PCDH15: variants seen among roughly 807,000 people sequenced by gnomAD.
PCDH15 encodes the protein protocadherin-15.
PCDH15 carries 129 observed loss-of-function variants against 178.5 expected under a neutral mutation model. The observed-to-expected ratio is 0.72, with a 90% CI of 0.63 to 0.84. The LOEUF is 0.84. Among genes scored for constraint, PCDH15 ranks in the 40% least tolerant of loss-of-function variants. PCDH15 has a pLI of 0.00. For synonymous variants in PCDH15, 800 were observed against 732.0 expected (o/e 1.09, Z -1.50); for missense variants, 2,230 against 2,099.9 (o/e 1.06, Z -1.21).
chr10:54,564,750 T>G (rs1032468532), intron 2 of PCDH15, among the ~76,000 whole-genome samples: 2 of 152,150 alleles, frequency 1.3e-5, no homozygotes, highest in Non-Finnish European at 2.9e-5. Flanking sequence ...AAAATGGGAA[T>G]ATAATTCTAT....
At chr10:55,206,302 T>C (rs138563102) in intron 1 of PCDH15, among the ~76,000 whole-genome samples, 125 of 152,216 alleles carry the variant, frequency 8.2e-4, no homozygotes, top group Non-Finnish European at 1.3e-3. Context: ...ATGTATGTAT[T>C]TAATTTAAAT....
chr10:55,077,435 C>CTTCCTTCCTTCCT (rs1554828780), intron 2 of PCDH15, among the ~76,000 whole-genome samples: 1 of 144,456 alleles, frequency 6.9e-6, no homozygotes, highest in African/African-American at 2.6e-5. Context: ...TCCTTCCTTC[C>CTTCCTTCCTTCCT]TTTCTTCCTT....
At chr10:54,448,153 C>G (rs1425531385) in intron 3 of PCDH15, among the ~76,000 whole-genome samples, 1 of 151,716 alleles carries the variant, frequency 6.6e-6, no homozygotes, top group African/African-American at 2.4e-5. Flanking sequence ...TTAAAACACA[C>G]CATTTATTAT....
At chr10:54,460,097 A>C (rs564940599) in intron 3 of PCDH15, among the ~76,000 whole-genome samples, 2 of 152,300 alleles carry the variant, frequency 1.3e-5, no homozygotes, top group East Asian at 3.9e-4. Context: ...TCACTATTGA[A>C]ACAGAGATCA....
At chr10:54,506,601 G>C (rs11004342) in intron 3 of PCDH15, among the ~76,000 whole-genome samples, 3 of 151,814 alleles carry the variant, frequency 2.0e-5, no homozygotes, top group African/African-American at 7.3e-5. Context: ...TAACACTTTT[G>C]GGTCTAATAG....
chr10:54,154,972 T>G (rs977706358), intron 13 of PCDH15, among the ~76,000 whole-genome samples: 19 of 152,204 alleles, frequency 1.2e-4, no homozygotes, highest in Non-Finnish European at 1.8e-4. Context: ...TGTGTATGGA[T>G]AAAATTAGAA....
At chr10:54,524,742 T>G (rs1409948770) in intron 3 of PCDH15, among the ~76,000 whole-genome samples, 2 of 152,234 alleles carry the variant, frequency 1.3e-5, no homozygotes, top group African/African-American at 4.8e-5. Context: ...ACGCTCTACA[T>G]GCTAGTTCAA....
intron 3 of PCDH15, among the ~76,000 whole-genome samples, chr10:54,873,492 T>C (rs979980854): frequency 6.7e-6 from 1 of 148,614 alleles, no homozygotes; most frequent in Non-Finnish European, 1.5e-5. Flanking sequence ...ATATAATATA[T>C]ATACGTGTAT....
At chr10:55,149,422 A>T (rs886148313) in intron 2 of PCDH15, among the ~76,000 whole-genome samples, 18 of 151,974 alleles carry the variant, frequency 1.2e-4, no homozygotes, top group Admixed American at 1.1e-3. Context: ...TATAGTATCA[A>T]TTTGAAAATT....
At chr10:55,206,826 A>C (rs1564891876) in intron 1 of PCDH15, among the ~76,000 whole-genome samples, 1 of 152,214 alleles carries the variant, frequency 6.6e-6, no homozygotes, top group East Asian at 1.9e-4. Context: ...TGCCTGAATA[A>C]ATAATTTTGA....
chr10:54,944,766 G>A (rs578256513), intron 2 of PCDH15, among the ~76,000 whole-genome samples: 8 of 152,030 alleles, frequency 5.3e-5, no homozygotes, highest in African/African-American at 1.9e-4. Flanking sequence ...TAAGGTGTGT[G>A]TATATGTTGG....
At chr10:55,294,287 T>C (rs1843081846) in intron 1 of PCDH15, among the ~76,000 whole-genome samples, 1 of 152,182 alleles carries the variant, frequency 6.6e-6, no homozygotes, top group African/African-American at 2.4e-5. Context: ...CGATGAGATT[T>C]GGGTAGGGAC....
chr10:54,933,108 G>A (rs1837823228), intron 2 of PCDH15, among the ~76,000 whole-genome samples: 1 of 152,084 alleles, frequency 6.6e-6, no homozygotes, highest in African/African-American at 2.4e-5. Flanking sequence ...TATAGACTAT[G>A]AGCAATAAAT....
chr10:55,278,465 T>C (rs1010958498), intron 1 of PCDH15, among the ~76,000 whole-genome samples: 1 of 152,094 alleles, frequency 6.6e-6, no homozygotes, highest in Non-Finnish European at 1.5e-5. Flanking sequence ...CCTCAAGTGA[T>C]CCTCCCGTCT....
intron 1 of PCDH15, among the ~76,000 whole-genome samples, chr10:54,726,785 G>T (rs1942599907): frequency 6.8e-6 from 1 of 148,036 alleles, no homozygotes; most frequent in African/African-American, 2.5e-5. Context: ...AGCAGAATAG[G>T]CCAAGCTGAA....
intron 2 of PCDH15, among the ~76,000 whole-genome samples, chr10:55,117,965 T>A (rs2132062888): frequency 6.6e-6 from 1 of 152,240 alleles, no homozygotes; most frequent in Non-Finnish European, 1.5e-5. Context: ...TCTCCTTCAG[T>A]TATGCAAACG....
chr10:54,147,359 C>T lies in PCDH15; in HGVS notation c.1784+5741G>A, dbSNP rs1007534632. Among the ~76,000 whole-genome samples, 39 of 151,654 alleles carry T rather than the reference C, an allele frequency of 2.6e-4. 1 individual carries two copies. The highest frequency in any genetic ancestry group is 8.7e-4 in the African/African-American group (36 of 41,342). On this transcript the variant is annotated intron_variant, in intron 14 of 37. Transcript: ENST00000644397. ...TAAATTTCTGATGTCACAGAAAAGA[C>T]GTGTATACTCAGAATCTGAAGATGG...
Position 54,336,210 on chromosome 10 carries a change from A to C in PCDH15, c.595-6504T>G, listed in dbSNP as rs533510446. Among the ~76,000 whole-genome samples the C allele has an allele frequency of 1.1e-3, 174 of 152,318 alleles. 1 individual carries two copies. Among genetic ancestry groups the C allele is most frequent in the Non-Finnish European group, 2.1e-3 (143 of 68,024 alleles). On this transcript the variant is annotated intron_variant, in intron 6 of 37. Transcript: ENST00000644397. ...AGTTTTAAAAGTGAGACAGAGCATA[A>C]AAATTCAGAAAATTTGCAGCCTGAT...
At position 55,381,706 on chromosome 10, in the gene PCDH15, C is replaced by A. The variant is rs1270323361; in HGVS notation, c.-155-215055G>T. On this transcript the variant is annotated intron_variant, in intron 2 of 5. Coordinates refer to the PCDH15 transcript ENST00000613346. ...CAAAAATAAAAAATAAAGAAGAAGA[C>A]CTGGATATACACAGAAGCACAGATG... 4.6e-5 allele frequency among the ~76,000 whole-genome samples: 7 copies of A among 152,044 alleles called. No homozygotes were observed. The East Asian group carries it at 1.4e-3, about 29-fold the overall frequency.
Sources: allele counts gnomAD v4.1 joint callset (sites outside exome capture counted in the v4.1 genomes callset), GRCh38; gene constraint gnomAD v4.1.1; transcripts MANE v1.5; gene names NCBI Gene and HGNC (gene_info 2026-07-23, HGNC 2026-07-21).